ZNF581: variants seen among roughly 807,000 people sequenced by gnomAD.
ZNF581 encodes the protein zinc finger protein 581.
ZNF581 carries 1 observed loss-of-function variant against 1.2 expected under a neutral mutation model. The observed-to-expected ratio is 0.83, with a 90% CI of 0.30 to 3.95. ZNF581 has a LOEUF of 3.95. Ranked by LOEUF, ZNF581 falls within the 30% of genes most tolerant of loss-of-function variation. The pLI is 0.18. For missense variants in ZNF581, 273 were observed against 274.6 expected (o/e 0.99, Z 0.04); for synonymous variants, 105 against 109.2 (o/e 0.96, Z 0.24).
chr19:55,638,851 A>G (rs549731397), upstream of ZNF581, among the ~76,000 whole-genome samples: 133 of 152,020 alleles, frequency 8.7e-4, no homozygotes, highest in African/African-American at 3.0e-3. Flanking sequence ...TATATTTTAT[A>G]TAATACAGCT....
chr19:55,640,365 G>T, upstream of ZNF581: 1 of 985,480 alleles, frequency 1.0e-6, no homozygotes, highest in Non-Finnish European at 1.2e-6. Flanking sequence ...AGTGGGCCCC[G>T]TGGGCAGTGC....
chr19:55,640,914 C>T (rs1041308639), upstream of ZNF581: 17 of 985,354 alleles, frequency 1.7e-5, no homozygotes, highest in Non-Finnish European at 2.0e-5. Flanking sequence ...GGTCCCCTCC[C>T]CGCAGGGCGC....
chr19:55,641,267 C>T (rs1346515212), upstream of ZNF581: 4 of 877,320 alleles, frequency 4.6e-6, no homozygotes, highest in African/African-American at 1.8e-5. Flanking sequence ...CTGGAGCCAC[C>T]CGGGATGGGG....
At chr19:55,643,310 C>T (rs1078201), upstream of ZNF581, 2,483 of 400,276 alleles carry the variant, frequency 6.2e-3, 58 homozygotes, top group African/African-American at 0.047. Flanking sequence ...AGTGACATGA[C>T]CTCTCTAAAC....
rs1182138411 is a variant in ZNF581, at chr19:55,645,095, G to A, written c.524G>A (p.Cys175Tyr). 1 of 1,547,468 alleles carries A rather than the reference G, an allele frequency of 6.5e-7. No homozygotes were observed. Among genetic ancestry groups the A allele is most frequent in the African/African-American group, 1.4e-5 (1 of 73,558 alleles). The change falls in exon 2 of 2, where the codon TGT becomes TAT. Residue 175 changes from cysteine to tyrosine, a missense_variant. Cys to Tyr is a radical substitution (Grantham distance 194, BLOSUM62 -2). Transcript: ENST00000270451. ...CACTCTGGGGAACGCCCGTTTCAGTGTCCACACTGCCCTCGCCGCTTTATG... is the reference window on the plus strand; with the variant it reads ...CACTCTGGGGAACGCCCGTTTCAGTATCCACACTGCCCTCGCCGCTTTATG... ...RVHSGERPFQ[C>Y]PHCPRRFMEQ...
upstream of ZNF581, chr19:55,640,441 C>T (rs1982383182): frequency 1.0e-6 from 1 of 985,330 alleles, no homozygotes; most frequent in South Asian, 4.7e-5. Flanking sequence ...CGCCACATGC[C>T]TTCTGGAAAT....
At chr19:55,643,234 C>CAGGGAGGGGCAA, upstream of ZNF581, 1 of 840,896 alleles carries the variant, frequency 1.2e-6, no homozygotes, top group Non-Finnish European at 1.6e-6. Flanking sequence ...AGTCGTTGCC[C>CAGGGAGGGGCAA]CTCCCTGGGC....
chr19:55,638,239 G>C (rs540053994), upstream of ZNF581, among the ~76,000 whole-genome samples: 3 of 150,732 alleles, frequency 2.0e-5, no homozygotes, highest in South Asian at 2.1e-4. Context: ...TTTTTTGTTT[G>C]TTTGTTTGTT....
upstream of ZNF581, chr19:55,641,696 G>A (rs1206696294): frequency 6.6e-6 from 1 of 151,586 alleles, no homozygotes; most frequent in Non-Finnish European, 1.5e-5. Context: ...TATGGGGGGC[G>A]AGAGAAAAGG....
At chr19:55,641,217 C>T (rs1272523109), upstream of ZNF581, 2 of 981,230 alleles carry the variant, frequency 2.0e-6, no homozygotes, top group African/African-American at 3.5e-5. Context: ...GGAGCCTGGC[C>T]CTGGGACGAC....
At chr19:55,642,164 G>A, upstream of ZNF581, 1 of 1,080,824 alleles carries the variant, frequency 9.3e-7, no homozygotes, top group African/African-American at 1.6e-5. Flanking sequence ...CAGATTTAGG[G>A]ATTGATTGTC....
chr19:55,644,842 G>A lies in ZNF581; in HGVS notation c.271G>A (p.Val91Met), dbSNP rs1280303701. Residue 91 changes from valine (V) to methionine (M), a missense_variant, in exon 2 of 2, where the codon GTG becomes ATG. Val to Met is a conservative substitution (Grantham distance 21). Transcript: ENST00000270451. This position sits in a 1 kb window ranked among gnomAD's most constrained non-coding sequence, Gnocchi z 4.3. Reference sequence around the variant, plus strand: ...CCAGAAAAAGTGCTACAGCTGCCCCGTGTGCTCAAGGGTCTTCGAGTACAT... The same window carrying A: ...CCAGAAAAAGTGCTACAGCTGCCCCATGTGCTCAAGGGTCTTCGAGTACAT... ...PGQKKCYSCP[V>M]CSRVFEYMSY... The A allele has an allele frequency of 5.6e-6, 9 of 1,612,628 alleles. No individual in the cohort carries two copies. Among genetic ancestry groups the A allele is most frequent in the East Asian group, 2.2e-5 (1 of 44,828 alleles).
chr19:55,639,114 CA>C (rs199625438), upstream of ZNF581, among the ~76,000 whole-genome samples: 1,336 of 151,880 alleles, frequency 8.8e-3, 21 homozygotes, highest in African/African-American at 0.031. Context: ...CTAAGTAGAC[CA>C]GGGGTTCTCA....
At chr19:55,642,692 C>G, upstream of ZNF581, 1 of 1,474,634 alleles carries the variant, frequency 6.8e-7, no homozygotes, top group Non-Finnish European at 9.0e-7. Flanking sequence ...CAATGGGGTC[C>G]CCTACACATA....
Position 55,644,549 on chromosome 19 carries a change from C to T in ZNF581, c.-19-4C>T. The T allele has an allele frequency of 6.5e-7, 1 of 1,544,800 alleles. No individual in the cohort carries two copies. Among genetic ancestry groups the T allele is most frequent in the South Asian group, 1.2e-5 (1 of 81,874 alleles). Reference sequence around the variant, plus strand: ...ACCTTCTTATCCCATCTCCCATCCACCAGGCCTCAGCCAGCCCTCCGGATG... The same window carrying T: ...ACCTTCTTATCCCATCTCCCATCCATCAGGCCTCAGCCAGCCCTCCGGATG... On this transcript the variant is annotated splice_region_variant and splice_polypyrimidine_tract_variant and intron_variant, in intron 1 of 1. Transcript: ENST00000270451. This position sits in a 1 kb window ranked among gnomAD's most constrained non-coding sequence, Gnocchi z 4.3.
intron 1 of ZNF581, 176 bp downstream of exon 1, chr19:55,643,950 G>T (rs1259852807): frequency 2.0e-5 from 3 of 152,542 alleles, no homozygotes; most frequent in Non-Finnish European, 4.4e-5. Context: ...CTGCGGCCCC[G>T]GGGGTGGAAC....
upstream of ZNF581, among the ~76,000 whole-genome samples, chr19:55,637,949 G>A (rs1449370865): frequency 6.6e-6 from 1 of 152,222 alleles, no homozygotes; most frequent in Non-Finnish European, 1.5e-5. Context: ...CAGTGGGGGT[G>A]GGGGTTGTGG....
At position 55,644,744 on chromosome 19, in the gene ZNF581, C is replaced by T. The variant is rs1377592837; in HGVS notation, c.173C>T (p.Thr58Ile). ...CCCAACCACTACCTGCTTATTGACA[C>T]TCAGGGTGTCCCCTACACAGTGCTG... is the stretch of plus-strand genomic sequence containing the variant. ...PRPNHYLLID[T>I]QGVPYTVLVD... The change falls in exon 2 of 2, where the codon ACT becomes ATT. Residue 58 changes from threonine to isoleucine, a missense_variant. Transcript: ENST00000270451. This position sits in a 1 kb window ranked among gnomAD's most constrained non-coding sequence, Gnocchi z 4.3. 1 of 1,614,136 alleles carries T rather than the reference C, an allele frequency of 6.2e-7. No homozygotes were observed. Among genetic ancestry groups the T allele is most frequent in the Non-Finnish European group, 8.5e-7 (1 of 1,179,988 alleles).
upstream of ZNF581, among the ~76,000 whole-genome samples, chr19:55,639,864 G>C (rs1045781203): frequency 1.3e-5 from 2 of 152,154 alleles, no homozygotes; most frequent in Non-Finnish European, 2.9e-5. Context: ...TGATCCGCCC[G>C]CCTTGGCCTC....
Sources: allele counts gnomAD v4.1 joint callset (sites outside exome capture counted in the v4.1 genomes callset), GRCh38; gene constraint gnomAD v4.1.1; non-coding constraint Gnocchi (gnomAD v3.1); transcripts MANE v1.5; gene names NCBI Gene and HGNC (gene_info 2026-07-23, HGNC 2026-07-21).